EPB41L1: variants seen among roughly 807,000 people sequenced by gnomAD.
EPB41L1 encodes erythrocyte membrane protein band 4.1 like 1.
Under a neutral mutation model 97.8 loss-of-function variants are expected in EPB41L1, and 29 were observed. That is an observed-to-expected ratio of 0.30 (90% CI 0.22 to 0.40). EPB41L1 has a LOEUF of 0.40. Among genes scored for constraint, EPB41L1 ranks in the 10% least tolerant of loss-of-function variants. EPB41L1 has a pLI of 1.00. For synonymous variants in EPB41L1, 383 were observed against 459.2 expected, an observed-to-expected ratio of 0.83 and a Z score of 2.12; for missense variants, 812 against 1,162.3, an observed-to-expected ratio of 0.70 and a Z score of 4.38.
chr20:36,162,293 A>T (rs953003785), intron 1 of EPB41L1, among the ~76,000 whole-genome samples: 1 of 152,362 alleles, frequency 6.6e-6, no homozygotes, highest in South Asian at 2.1e-4. Context: ...AGTGCCCTGC[A>T]TGTGGGAGGG....
chr20:36,214,504 A>G (rs1949870576), intron 17 of EPB41L1, 64 bp downstream of exon 17: 3 of 1,350,106 alleles, frequency 2.2e-6, no homozygotes, highest in African/African-American at 2.9e-5. Context: ...CAGCCAGAGA[A>G]CAAGCTAACA....
intron 2 of EPB41L1, among the ~76,000 whole-genome samples, chr20:36,122,382 C>T (rs927942366): frequency 1.3e-5 from 2 of 152,150 alleles, no homozygotes; most frequent in East Asian, 1.9e-4. Flanking sequence ...CAGCTGTGAG[C>T]GCCCATCCTT....
At chr20:36,214,576 C>A (rs2063331354) in intron 17 of EPB41L1, 136 bp downstream of exon 17, 5 of 744,532 alleles carry the variant, frequency 6.7e-6, no homozygotes, top group Non-Finnish European at 9.3e-6. Context: ...GGACATAAGT[C>A]AGCTGTTTAT....
intron 2 of EPB41L1, among the ~76,000 whole-genome samples, chr20:36,143,845 C>CT (rs11434146): frequency 0.21 from 31,225 of 150,812 alleles, 3,414 homozygotes; most frequent in Middle Eastern, 0.28. Context: ...TTTTCTTTTT[C>CT]TTTTTTTTTC....
chr20:36,094,445 T>C (rs2057765446), intron 1 of EPB41L1, among the ~76,000 whole-genome samples: 1 of 151,774 alleles, frequency 6.6e-6, no homozygotes, highest in South Asian at 2.1e-4. Flanking sequence ...GATACAAGGG[T>C]AGAGAGAAGT....
chr20:36,190,437 AG>A lies in EPB41L1; in HGVS notation c.1124+68del. ...AGAGGCCATGTGTATGGAGGGGAGC[AG>A]GGGGAGGAGTTAGTGAGAACTCTAG... is the stretch of plus-strand genomic sequence containing the variant. On this transcript the variant is annotated intron_variant, in intron 10 of 21. Transcript: ENST00000338074. The surrounding 1 kb of genome is among the most constrained non-coding windows in gnomAD (Gnocchi z 5.8). 1 of 1,570,702 alleles carries A rather than the reference AG, an allele frequency of 6.4e-7. No individual in the cohort carries two copies. The highest frequency in any genetic ancestry group is 1.1e-5 in the South Asian group (1 of 88,462).
intron 1 of EPB41L1, among the ~76,000 whole-genome samples, chr20:36,100,556 T>TA (rs1398861988): frequency 6.6e-6 from 1 of 152,198 alleles, no homozygotes; most frequent in African/African-American, 2.4e-5. Flanking sequence ...TTTTAATCCT[T>TA]ACAACTACCA....
At chr20:36,142,865 G>A (rs953967417) in intron 2 of EPB41L1, among the ~76,000 whole-genome samples, 1 of 152,216 alleles carries the variant, frequency 6.6e-6, no homozygotes. Flanking sequence ...CCTGGGCTCA[G>A]CCTGGTGTGA....
Sources: allele counts gnomAD v4.1 joint callset (sites outside exome capture counted in the v4.1 genomes callset), GRCh38; gene constraint gnomAD v4.1.1; non-coding constraint Gnocchi (gnomAD v3.1); transcripts MANE v1.5; gene names NCBI Gene and HGNC (gene_info 2026-07-23, HGNC 2026-07-21).